Variants in GUCY1A2 observed in about 807,000 individuals in gnomAD.
GUCY1A2 encodes the protein guanylate cyclase 1 soluble subunit alpha 2, also known as guanylate cyclase soluble subunit alpha-2.
Under a neutral mutation model 63.5 loss-of-function variants are expected in GUCY1A2, and 27 were observed. That is an observed-to-expected ratio of 0.43 (90% CI 0.31 to 0.59). GUCY1A2 has a LOEUF of 0.59. Ranked by LOEUF, GUCY1A2 falls within the 20% of genes least tolerant of loss-of-function variation. The pLI is 0.11. For missense variants in GUCY1A2, 768 were observed against 913.3 expected (o/e 0.84, Z 2.05); for synonymous variants, 364 against 343.5 (o/e 1.06, Z -0.66).
chr11:106,861,734 T>C (rs1859515506), intron 4 of GUCY1A2, among the ~76,000 whole-genome samples: 1 of 152,060 alleles, frequency 6.6e-6, no homozygotes, highest in African/African-American at 2.4e-5. Flanking sequence ...TGAACAAACA[T>C]GCTATTAAAA....
rs1862405748 is a variant in GUCY1A2 at position 106,679,956 on chromosome 11, T to C, written c.*7593A>G. ...AACTAAAAATGGCTTGTGAAGGGTT[T>C]CTCTTTTTTTGTCTTTCTCTTTTCT... On this transcript the variant is annotated 3_prime_UTR_variant, in exon 8 of 8. Transcript: ENST00000526355. 9.2e-6 allele frequency: 2 copies of C among 216,988 alleles called. No individual in the cohort carries two copies. The highest frequency in any genetic ancestry group is 2.3e-5 in the African/African-American group (1 of 44,354). 13.4% of individuals were successfully genotyped at this position (216,988 alleles called of 1,614,324 possible). A position where few individuals can be genotyped will look rare whatever the true frequency, so the allele number is the denominator to read the frequency against.
intron 4 of GUCY1A2, among the ~76,000 whole-genome samples, chr11:106,923,060 G>T (rs1017836112): frequency 5.9e-5 from 9 of 152,214 alleles, no homozygotes; most frequent in Middle Eastern, 3.4e-3. Flanking sequence ...CAAAACTGGG[G>T]ACCCACTAGG....
intron 4 of GUCY1A2, among the ~76,000 whole-genome samples, chr11:106,875,350 T>C (rs151148274): frequency 3.9e-5 from 6 of 152,278 alleles, no homozygotes; most frequent in Admixed American, 1.3e-4. Context: ...GTATGTGTAC[T>C]GTGCAAGAGT....
chr11:106,772,883 G>T (rs1240824256), intron 6 of GUCY1A2, among the ~76,000 whole-genome samples: 1 of 152,094 alleles, frequency 6.6e-6, no homozygotes, highest in Non-Finnish European at 1.5e-5. Flanking sequence ...ATGTGAGACA[G>T]TATTCCTTTT....
chr11:106,906,482 A>T (rs1860207553), intron 4 of GUCY1A2, among the ~76,000 whole-genome samples: 1 of 152,158 alleles, frequency 6.6e-6, no homozygotes, highest in Non-Finnish European at 1.5e-5. Flanking sequence ...ACACTTTTAC[A>T]CTGTTGGTGG....
At chr11:106,694,079 TA>T (rs1194205504) in intron 7 of GUCY1A2, among the ~76,000 whole-genome samples, 1 of 152,196 alleles carries the variant, frequency 6.6e-6, no homozygotes, top group Non-Finnish European at 1.5e-5. Flanking sequence ...ACCATTTCAT[TA>T]GGGTTCCCAA....
intron 4 of GUCY1A2, among the ~76,000 whole-genome samples, chr11:106,847,543 C>T (rs1386447555): frequency 6.6e-6 from 1 of 151,266 alleles, no homozygotes; most frequent in Non-Finnish European, 1.5e-5. Flanking sequence ...GCCACAAAGC[C>T]CTGGGGACCC....
intron 4 of GUCY1A2, among the ~76,000 whole-genome samples, chr11:106,871,072 TA>T (rs35724187): frequency 0.15 from 22,740 of 152,100 alleles, 2,192 homozygotes; most frequent in East Asian, 0.38. Context: ...TAGCAACTAA[TA>T]AACAATTTTA....
intron 6 of GUCY1A2, among the ~76,000 whole-genome samples, chr11:106,718,674 T>C (rs1314976218): frequency 6.6e-6 from 1 of 151,984 alleles, no homozygotes; most frequent in Non-Finnish European, 1.5e-5. Flanking sequence ...TTAAATCAAC[T>C]GAGATACTTA....
At chr11:106,982,010 T>C (rs1861342976) in intron 2 of GUCY1A2, among the ~76,000 whole-genome samples, 1 of 152,204 alleles carries the variant, frequency 6.6e-6, no homozygotes, top group Non-Finnish European at 1.5e-5. Context: ...CTAACTACTT[T>C]ATGTGATTAT....
intron 6 of GUCY1A2, among the ~76,000 whole-genome samples, chr11:106,759,073 A>G (rs1045936552): frequency 6.6e-6 from 1 of 152,068 alleles, no homozygotes; most frequent in Admixed American, 6.6e-5. Context: ...AGATGATGGG[A>G]TCATTTGTAT....
At chr11:106,863,571 A>T (rs1859544864) in intron 4 of GUCY1A2, among the ~76,000 whole-genome samples, 1 of 150,528 alleles carries the variant, frequency 6.6e-6, no homozygotes, top group Non-Finnish European at 1.5e-5. Context: ...GTCAGGTAGC[A>T]CGCCTCCAGC....
At chr11:106,695,288 C>T (rs1033909009) in intron 7 of GUCY1A2, among the ~76,000 whole-genome samples, 2 of 152,082 alleles carry the variant, frequency 1.3e-5, no homozygotes, top group Admixed American at 6.5e-5. Context: ...ATTTTGTTGT[C>T]GTTTCAAAAA....
chr11:106,865,246 C>A (rs1040558101), intron 4 of GUCY1A2, among the ~76,000 whole-genome samples: 6 of 151,986 alleles, frequency 3.9e-5, no homozygotes, highest in Non-Finnish European at 5.9e-5. Flanking sequence ...AGTGATATCT[C>A]TTTTATCATT....
chr11:106,944,179 C>G (rs1860790352), intron 3 of GUCY1A2, among the ~76,000 whole-genome samples: 1 of 101,846 alleles, frequency 9.8e-6, no homozygotes, highest in Admixed American at 1.2e-4. Flanking sequence ...CATACCACTG[C>G]ACTCCAGCCT....
In GUCY1A2 at chr11:106,683,385, G is replaced by T; in HGVS notation, c.*4164C>A. ...AGAGTCATTTATAATTAATTTCAAA[G>T]GAACATTCAGTGAAGCTGTATGAAG... On this transcript the variant is annotated 3_prime_UTR_variant, in exon 8 of 8. Transcript: ENST00000526355. 4.5e-6 allele frequency: 1 copy of T among 224,488 alleles called. No homozygotes were observed. Among genetic ancestry groups the T allele is most frequent in the Non-Finnish European group, 8.9e-6 (1 of 112,444 alleles). The allele number at this position is 224,488 out of a possible 1,614,324, so 13.9% of individuals were successfully genotyped here.
intron 4 of GUCY1A2, among the ~76,000 whole-genome samples, chr11:106,815,979 C>A (rs1259096444): frequency 1.3e-5 from 2 of 151,966 alleles, no homozygotes; most frequent in Non-Finnish European, 2.9e-5. Context: ...TGACTTCTGG[C>A]ATGCAGGACT....
At chr11:106,746,509 G>C in intron 6 of GUCY1A2, 1 of 1,029,224 alleles carries the variant, frequency 9.7e-7, no homozygotes, top group Non-Finnish European at 1.5e-6. Flanking sequence ...ATGCATAGCT[G>C]TATCCTCTGT....
chr11:106,943,867 C>A, intron 3 of GUCY1A2, among the ~76,000 whole-genome samples: 1 of 152,080 alleles, frequency 6.6e-6, no homozygotes, highest in Admixed American at 6.6e-5. Flanking sequence ...AAAACAGTAT[C>A]TGCCTCTCCT....
Sources: gnomAD v4.1 joint callset for allele counts (sites outside exome capture counted in the v4.1 genomes callset) on GRCh38, gnomAD v4.1.1 for gene constraint, MANE v1.5 for transcripts, NCBI Gene and HGNC (gene_info 2026-07-23, HGNC 2026-07-21) for gene names.